Variants in CYRIB observed in about 807,000 individuals in gnomAD.
CYRIB encodes CYFIP related Rac1 interactor B, also known as CYFIP-related Rac1 interactor B.
CYRIB carries 8 observed loss-of-function variants against 44.2 expected under a neutral mutation model. The observed-to-expected ratio is 0.18, with a 90% CI of 0.11 to 0.33. The LOEUF is 0.33. CYRIB is among the 10% of genes least tolerant of loss of function. CYRIB has a pLI of 1.00. For synonymous variants in CYRIB, 131 were observed against 127.2 expected, an observed-to-expected ratio of 1.03 and a Z score of -0.20; for missense variants, 185 against 382.8, an observed-to-expected ratio of 0.48 and a Z score of 4.31.
At chr8:129,977,779 G>T (rs10091431) in intron 1 of CYRIB, among the ~76,000 whole-genome samples, 1 of 151,994 alleles carries the variant, frequency 6.6e-6, no homozygotes, top group East Asian at 1.9e-4. Context: ...TGATCTGCCC[G>T]CCTTGGCCTC....
intron 9 of CYRIB, chr8:129,849,671 T>C (rs1387452756): frequency 4.5e-6 from 1 of 223,130 alleles, no homozygotes; most frequent in East Asian, 1.2e-4. Flanking sequence ...TACTCCACAA[T>C]GAGATCCCCA....
At chr8:129,849,595 T>A in intron 9 of CYRIB, 1 of 378,788 alleles carries the variant, frequency 2.6e-6, no homozygotes, top group Non-Finnish European at 4.8e-6. Flanking sequence ...AATGAGGTGA[T>A]TCAACTTTCA....
intron 2 of CYRIB, among the ~76,000 whole-genome samples, chr8:129,900,840 C>A (rs1166828653): frequency 6.6e-6 from 1 of 152,086 alleles, no homozygotes; most frequent in East Asian, 1.9e-4. Flanking sequence ...CAACCATGCC[C>A]GGCTTGTATT....
At chr8:129,876,453 T>A (rs1418140284) in intron 3 of CYRIB, among the ~76,000 whole-genome samples, 1 of 152,160 alleles carries the variant, frequency 6.6e-6, no homozygotes, top group East Asian at 1.9e-4. Flanking sequence ...ATGGGTTGTA[T>A]CTTAGTTATT....
intron 2 of CYRIB, among the ~76,000 whole-genome samples, chr8:129,885,874 C>T (rs544175114): frequency 4.9e-4 from 74 of 152,214 alleles, no homozygotes; most frequent in African/African-American, 1.7e-3. Context: ...CCACAAAAAC[C>T]CAACAACCCA....
intron 1 of CYRIB, among the ~76,000 whole-genome samples, chr8:130,003,571 CTGAA>C (rs546966559): frequency 5.0e-3 from 758 of 152,326 alleles, no homozygotes; most frequent in Non-Finnish European, 8.0e-3. Context: ...CTCTGCCCTG[CTGAA>C]TGAGAGATCC....
At chr8:130,012,458 G>C (rs2097248258) in intron 1 of CYRIB, among the ~76,000 whole-genome samples, 1 of 152,308 alleles carries the variant, frequency 6.6e-6, no homozygotes, top group Non-Finnish European at 1.5e-5. Flanking sequence ...TGGATGCAGG[G>C]ACAGATGATG....
intron 5 of CYRIB, 74 bp downstream of exon 7, chr8:129,862,155 A>G (rs1278201035): frequency 8.8e-7 from 1 of 1,135,536 alleles, no homozygotes; most frequent in African/African-American, 1.6e-5. Context: ...TGAACATAAA[A>G]AAACTCTAAA....
intron 1 of CYRIB, among the ~76,000 whole-genome samples, chr8:129,908,291 A>G (rs1202095792): frequency 6.6e-6 from 1 of 152,210 alleles, no homozygotes; most frequent in East Asian, 1.9e-4. Flanking sequence ...CATGAAGACA[A>G]CAGAAAAAAA....
chr8:130,001,714 A>C (rs2096913079), intron 1 of CYRIB, among the ~76,000 whole-genome samples: 3 of 151,712 alleles, frequency 2.0e-5, no homozygotes, highest in African/African-American at 4.8e-5. Context: ...TCCTGACCTC[A>C]AGTGATCTGC....
intron 1 of CYRIB, among the ~76,000 whole-genome samples, chr8:129,983,267 A>T (rs2096312982): frequency 6.6e-6 from 1 of 152,048 alleles, no homozygotes; most frequent in African/African-American, 2.4e-5. Context: ...AACACGGTGA[A>T]ACCCCGTCTC....
intron 3 of CYRIB, among the ~76,000 whole-genome samples, 173 bp from the exon 6 acceptor site, chr8:129,871,669 A>C (rs1372117602): frequency 6.6e-6 from 1 of 152,222 alleles, no homozygotes. Context: ...CTACATTTAA[A>C]TGACTAGTTT....
intron 1 of CYRIB, among the ~76,000 whole-genome samples, chr8:129,978,945 G>C (rs1426937014): frequency 6.6e-6 from 1 of 152,064 alleles, no homozygotes; most frequent in Non-Finnish European, 1.5e-5. Context: ...GGACCAGCCT[G>C]GCCAACATAG....
intron 4 of CYRIB, among the ~76,000 whole-genome samples, chr8:129,865,685 TA>T (rs1277034661): frequency 1.3e-5 from 2 of 152,222 alleles, no homozygotes; most frequent in Non-Finnish European, 2.9e-5. Context: ...TAAGTTCACA[TA>T]AAAGTTCCAA....
intron 1 of CYRIB, among the ~76,000 whole-genome samples, chr8:129,927,131 A>G (rs1486055524): frequency 6.6e-6 from 1 of 151,962 alleles, no homozygotes; most frequent in East Asian, 1.9e-4. Context: ...AAAAATACAC[A>G]CACAAAAAAA....
intron 1 of CYRIB, among the ~76,000 whole-genome samples, chr8:129,931,059 T>C (rs1695272686): frequency 6.6e-6 from 1 of 151,796 alleles, no homozygotes; most frequent in Non-Finnish European, 1.5e-5. Context: ...GCTTTCAAAA[T>C]AACATTTTTA....
At chr8:129,876,810 T>G (rs1182459812) in intron 3 of CYRIB, among the ~76,000 whole-genome samples, 1 of 150,134 alleles carries the variant, frequency 6.7e-6, no homozygotes, top group Non-Finnish European at 1.5e-5. Context: ...TCAATCAGAT[T>G]AATAAAACAG....
intron 9 of CYRIB, 185 bp downstream of exon 11, chr8:129,850,650 C>T (rs1401935756): frequency 5.0e-6 from 3 of 601,392 alleles, no homozygotes; most frequent in African/African-American, 1.9e-5. Flanking sequence ...TTATACTTAA[C>T]CAGAAGTTAC....
intron 1 of CYRIB, among the ~76,000 whole-genome samples, chr8:129,910,748 T>C (rs998762887): frequency 6.6e-6 from 1 of 152,196 alleles, no homozygotes; most frequent in African/African-American, 2.4e-5. Context: ...CAGTGGGCTA[T>C]GAGTGCCACT....
Sources: allele counts gnomAD v4.1 joint callset (sites outside exome capture counted in the v4.1 genomes callset), GRCh38; gene constraint gnomAD v4.1.1; transcripts MANE v1.5; gene names NCBI Gene and HGNC (gene_info 2026-07-23, HGNC 2026-07-21).